DLD: variants seen among roughly 807,000 people sequenced by gnomAD.
DLD encodes the protein dihydrolipoamide dehydrogenase.
DLD carries 36 observed loss-of-function variants against 62.2 expected under a neutral mutation model. The observed-to-expected ratio is 0.58, with a 90% confidence interval of 0.44 to 0.76. The LOEUF is 0.76. Among genes scored for constraint, DLD ranks in the 30% least tolerant of loss-of-function variants. The pLI is 0.00. For missense variants in DLD, 541 were observed against 608.6 expected (o/e 0.89, Z 1.17); for synonymous variants, 204 against 199.6 (o/e 1.02, Z -0.19).
At chr7:107,910,623 T>TA (rs1349589308) in intron 8 of DLD, among the ~76,000 whole-genome samples, 13 of 152,214 alleles carry the variant, frequency 8.5e-5, no homozygotes, top group African/African-American at 2.9e-4. Flanking sequence ...CTCTGCCTCT[T>TA]ACTGACTTAT....
In DLD at chr7:107,917,437, A is replaced by G. The variant is rs1415794734; in HGVS notation, c.1211A>G (p.Lys404Arg). Residue 404 changes from lysine (K) to arginine (R), a missense_variant, in exon 11 of 14, where the codon AAA becomes AGA. By Grantham distance (26) the Lys-to-Arg change is conservative. Transcript: ENST00000205402. ...CACCCTGAAGTTGCTTGGGTTGGCAAATCAGAAGAGCAGTTGAAAGAAGAG... is the reference window on the plus strand; with the variant it reads ...CACCCTGAAGTTGCTTGGGTTGGCAGATCAGAAGAGCAGTTGAAAGAAGAG... ...YTHPEVAWVG[K>R]SEEQLKEEGI... is the part of the protein sequence containing the mutation. 1 of 1,614,180 alleles carries G rather than the reference A, an allele frequency of 6.2e-7. No homozygotes were observed. Among genetic ancestry groups the G allele is most frequent in the African/African-American group, 1.3e-5 (1 of 75,058 alleles).
At chr7:107,915,894 C>T (rs2032257379) in intron 9 of DLD, among the ~76,000 whole-genome samples, 198 bp downstream of exon 9, 1 of 151,950 alleles carries the variant, frequency 6.6e-6, no homozygotes, top group Admixed American at 6.6e-5. Flanking sequence ...GAAAGAGAAT[C>T]CAATATTCTC....
chr7:107,916,708 A>C, intron 9 of DLD, 86 bp from the exon 10 acceptor site: 1 of 1,341,000 alleles, frequency 7.5e-7, no homozygotes, highest in Non-Finnish European at 1.1e-6. Flanking sequence ...TGTCATCAAC[A>C]CTTGAGAAAT....
chr7:107,893,968 A>G (rs1040991380), intron 2 of DLD, among the ~76,000 whole-genome samples: 3 of 152,348 alleles, frequency 2.0e-5, no homozygotes, highest in African/African-American at 7.2e-5. Context: ...GTTTAGAATG[A>G]TGAGATGACT....
chr7:107,905,226 C>A, intron 6 of DLD, 135 bp from the exon 7 acceptor site: 1 of 1,082,752 alleles, frequency 9.2e-7, no homozygotes, highest in Non-Finnish European at 1.4e-6. Context: ...TTTTTTGCTG[C>A]ACCATGGTGT....
chr7:107,896,318 G>T (rs2031722648), intron 2 of DLD, among the ~76,000 whole-genome samples: 2 of 152,160 alleles, frequency 1.3e-5, no homozygotes, highest in Non-Finnish European at 2.9e-5. Context: ...CTGAGAAGGG[G>T]AGTGACACTG....
At position 107,893,216 on chromosome 7, in the gene DLD, G is replaced by A; in HGVS notation, c.56G>A (p.Arg19Gln). The A allele has an allele frequency of 1.2e-6, 2 of 1,613,312 alleles. No individual in the cohort carries two copies. The highest frequency in any genetic ancestry group is 1.7e-6 in the Non-Finnish European group (2 of 1,179,570). Residue 19 changes from arginine (R) to glutamine (Q), a missense_variant, in exon 2 of 14, where the codon CGA becomes CAA. Transcript: ENST00000205402. Reference sequence around the variant, plus strand: ...TTTTTCTAGAGAGGCCATTTCAATCGAATATCTCATGGCCTACAGGGACTT... The same window carrying A: ...TTTTTCTAGAGAGGCCATTTCAATCAAATATCTCATGGCCTACAGGGACTT... Reference protein sequence around the residue: ...CSLAKRGHFNRISHGLQGLSA... With the variant: ...CSLAKRGHFNQISHGLQGLSA...
At chr7:107,891,118 G>A, upstream of DLD, 1 of 1,161,176 alleles carries the variant, frequency 8.6e-7, no homozygotes, top group Non-Finnish European at 1.3e-6. Context: ...GAACCGCGCG[G>A]GCCAATCGCG....
At chr7:107,916,986 A>G (rs1457374784) in intron 10 of DLD, 22 bp downstream of exon 10, 1 of 1,608,614 alleles carries the variant, frequency 6.2e-7, no homozygotes, top group East Asian at 2.2e-5. Flanking sequence ...AATTGTCTGC[A>G]TTTTCAGTAA....
Position 107,917,339 on chromosome 7 carries a change from T to G in DLD, c.1113T>G (p.Ile371Met), listed in dbSNP as rs773097241. The G allele has an allele frequency of 1.2e-6, 2 of 1,614,150 alleles. No individual in the cohort carries two copies. The highest frequency in any genetic ancestry group is 2.2e-5 in the South Asian group (2 of 91,080). ...CTCACAAAGCAGAGGATGAAGGCAT[T>G]ATCTGTGTTGAAGGAATGGCTGGTG... ...MLAHKAEDEG[I>M]ICVEGMAGGA... Residue 371 changes from isoleucine (I) to methionine (M), a missense_variant, in exon 11 of 14, where the codon ATT becomes ATG. Transcript: ENST00000205402.
At chr7:107,917,493 A>ATGTG in intron 11 of DLD, 31 bp downstream of exon 11, 1 of 1,607,066 alleles carries the variant, frequency 6.2e-7, no homozygotes, top group Non-Finnish European at 8.5e-7. Context: ...TTTTAAGCCA[A>ATGTG]TGTGTGAGTT....
intron 8 of DLD, among the ~76,000 whole-genome samples, chr7:107,906,589 C>T (rs2032014491): frequency 6.6e-6 from 1 of 152,070 alleles, no homozygotes; most frequent in South Asian, 2.1e-4. Context: ...TTCCTTGTAC[C>T]TTCCACCCTT....
chr7:107,903,365 C>T (rs973681211), intron 4 of DLD, 113 bp from the exon 5 acceptor site: 7 of 715,264 alleles, frequency 9.8e-6, no homozygotes, highest in South Asian at 1.5e-5. Flanking sequence ...GCAATAAGAA[C>T]GAAACTCCGT....
At position 107,919,420 on chromosome 7, in the gene DLD, T is replaced by C. The variant is rs1247720909; in HGVS notation, c.*161T>C. 5.1e-6 allele frequency: 3 copies of C among 587,384 alleles called. No homozygotes were observed. The highest frequency in any genetic ancestry group is 8.8e-6 in the Non-Finnish European group (3 of 340,064). 36.4% of individuals were successfully genotyped at this position (587,384 alleles called of 1,614,324 possible). Reference sequence around the variant, plus strand: ...GTTTGGACAAAATGGAATACTCTTATATCTATATTTTACATAAATTTAGTA... The same window carrying C: ...GTTTGGACAAAATGGAATACTCTTACATCTATATTTTACATAAATTTAGTA... On this transcript the variant is annotated 3_prime_UTR_variant, in exon 14 of 14. Transcript: ENST00000205402.
chr7:107,891,223 T>G lies in DLD; in HGVS notation c.-28T>G. The G allele has an allele frequency of 6.2e-7, 1 of 1,613,986 alleles. No individual in the cohort carries two copies. The highest frequency in any genetic ancestry group is 8.5e-7 in the Non-Finnish European group (1 of 1,179,878). ...GAGGCGCCCAGCGGAGGTGAAAGTATTGGCGGAAAGGAAAATACAGCGGAA... is the reference window on the plus strand; with the variant it reads ...GAGGCGCCCAGCGGAGGTGAAAGTAGTGGCGGAAAGGAAAATACAGCGGAA... On this transcript the variant is annotated 5_prime_UTR_variant, in exon 1 of 14. Coordinates refer to ENST00000205402, the MANE Select transcript of DLD (RefSeq NM_000108.5).
intron 3 of DLD, 138 bp from the exon 4 acceptor site, chr7:107,902,187 A>G: frequency 1.4e-6 from 1 of 730,276 alleles, no homozygotes; most frequent in Non-Finnish European, 2.3e-6. Context: ...ATAAATTATA[A>G]AGGACTATAT....
Position 107,917,304 on chromosome 7 carries a change from C to A in DLD, c.1078C>A (p.Pro360Thr). The change falls in exon 11 of 14, where the codon CCA becomes ACA. Residue 360 changes from proline to threonine, a missense_variant. Coordinates refer to ENST00000205402, the MANE Select transcript of DLD (RefSeq NM_000108.5). ...TGCCATTGGTGATGTAGTTGCTGGT[C>A]CAATGCTGGCTCACAAAGCAGAGGA... ...IYAIGDVVAG[P>T]MLAHKAEDEG... 6.2e-7 allele frequency: 1 copy of A among 1,614,028 alleles called. No homozygotes were observed. The highest frequency in any genetic ancestry group is 1.1e-5 in the South Asian group (1 of 91,060).
chr7:107,904,709 G>C (rs975940760), intron 5 of DLD: 9 of 578,012 alleles, frequency 1.6e-5, no homozygotes, highest in African/African-American at 1.5e-4. Context: ...ATCACAGTGG[G>C]ATATAATGTT....
intron 9 of DLD, 49 bp from the exon 10 acceptor site, chr7:107,916,745 C>G: frequency 6.5e-7 from 1 of 1,546,172 alleles, no homozygotes; most frequent in Non-Finnish European, 8.9e-7. Context: ...CTAAGCCTAT[C>G]AATTTATGTA....
Sources: allele counts gnomAD v4.1 joint callset (sites outside exome capture counted in the v4.1 genomes callset), GRCh38; gene constraint gnomAD v4.1.1; transcripts MANE v1.5; gene names NCBI Gene and HGNC (gene_info 2026-07-23, HGNC 2026-07-21).